Variants in SLC4A10 observed in about 807,000 individuals in gnomAD.
SLC4A10 encodes the protein solute carrier family 4 member 10.
In SLC4A10, 42 loss-of-function variants were observed where a neutral mutation model predicts 137.7. That is an observed-to-expected ratio of 0.30 (90% confidence interval 0.24 to 0.39). The LOEUF (loss-of-function observed/expected upper bound fraction) is 0.39. SLC4A10 is among the 10% of genes least tolerant of loss of function. The pLI is 1.00. For missense variants in SLC4A10, 925 were observed against 1,355.0 expected, an observed-to-expected ratio of 0.68 and a Z score of 4.98; for synonymous variants, 474 against 464.1, an observed-to-expected ratio of 1.02 and a Z score of -0.27.
rs1032772299 is a variant in SLC4A10 at position 161,984,790 on chromosome 2, G to A, written c.*1638G>A. 3 of 152,002 alleles carry A rather than the reference G, an allele frequency of 2.0e-5. No homozygotes were observed. The highest frequency in any genetic ancestry group is 7.2e-5 in the African/African-American group (3 of 41,422). 9.4% of individuals were successfully genotyped at this position (152,002 alleles called of 1,614,324 possible). On this transcript the variant is annotated 3_prime_UTR_variant, in exon 27 of 27. Coordinates refer to ENST00000446997, the MANE Select transcript of SLC4A10 (RefSeq NM_001178015.2). ...AATACAGAAACTTTCTGTTCCAAAT[G>A]TGTTGCCTTTGTGTATTTTATAATA...
chr2:161,707,235 C>T (rs1002586470), intron 1 of SLC4A10, among the ~76,000 whole-genome samples: 4 of 151,408 alleles, frequency 2.6e-5, no homozygotes, highest in Non-Finnish European at 5.9e-5. Context: ...CAGTTAGAGT[C>T]AGTAGTTTTT....
At chr2:161,926,395 T>TG (rs1689112503) in intron 15 of SLC4A10, among the ~76,000 whole-genome samples, 1 of 107,878 alleles carries the variant, frequency 9.3e-6, no homozygotes, top group African/African-American at 3.3e-5. Context: ...GGTTTTTTTT[T>TG]TTTTTTTTTT....
At chr2:161,919,886 G>A (rs1318825825) in intron 15 of SLC4A10, among the ~76,000 whole-genome samples, 2 of 152,194 alleles carry the variant, frequency 1.3e-5, no homozygotes, top group South Asian at 2.1e-4. Flanking sequence ...GCATGGCTGT[G>A]ACACCCTCTT....
At chr2:161,767,090 G>C (rs530371515) in intron 1 of SLC4A10, among the ~76,000 whole-genome samples, 9 of 69,082 alleles carry the variant, frequency 1.3e-4, no homozygotes, top group Admixed American at 2.1e-4. Context: ...AAAGAATTAA[G>C]AAGCATATAT....
chr2:161,932,899 A>G (rs1488226750), intron 15 of SLC4A10, among the ~76,000 whole-genome samples: 1 of 151,980 alleles, frequency 6.6e-6, no homozygotes, highest in Non-Finnish European at 1.5e-5. Context: ...TGAGCCCCTG[A>G]TAACCACCAT....
intron 1 of SLC4A10, among the ~76,000 whole-genome samples, chr2:161,743,661 A>G (rs781474430): frequency 2.0e-5 from 3 of 150,374 alleles, no homozygotes; most frequent in East Asian, 3.9e-4. Flanking sequence ...TTTTTTTTCT[A>G]TTTCTGTGGA....
intron 2 of SLC4A10, among the ~76,000 whole-genome samples, chr2:161,778,945 T>C (rs2052700001): frequency 6.6e-6 from 1 of 151,938 alleles, no homozygotes. Flanking sequence ...CCTGTCTTAG[T>C]TTGTTTTGTG....
At chr2:161,870,640 A>T (rs1459321376) in intron 6 of SLC4A10, among the ~76,000 whole-genome samples, 3 of 151,820 alleles carry the variant, frequency 2.0e-5, no homozygotes, top group Non-Finnish European at 3.0e-5. Context: ...TATGTAAAAG[A>T]TTTTTTTAAA....
At chr2:161,716,149 G>T (rs563122389) in intron 1 of SLC4A10, among the ~76,000 whole-genome samples, 20 of 147,242 alleles carry the variant, frequency 1.4e-4, no homozygotes, top group African/African-American at 5.0e-4. Context: ...AGAAGTGTCT[G>T]TTCATGTCCT....
intron 1 of SLC4A10, among the ~76,000 whole-genome samples, chr2:161,698,846 C>G (rs1367619876): frequency 5.3e-5 from 8 of 152,090 alleles, no homozygotes; most frequent in African/African-American, 1.7e-4. Flanking sequence ...AGGATAACCT[C>G]TTTTTCATAT....
At chr2:161,637,131 A>T (rs1248941612) in intron 1 of SLC4A10, among the ~76,000 whole-genome samples, 1 of 147,590 alleles carries the variant, frequency 6.8e-6, no homozygotes, top group Non-Finnish European at 1.5e-5. Context: ...CTATATACAT[A>T]AATACGTATT....
chr2:161,837,594 C>T (rs2058897488), intron 3 of SLC4A10, among the ~76,000 whole-genome samples: 1 of 152,038 alleles, frequency 6.6e-6, no homozygotes, highest in Non-Finnish European at 1.5e-5. Context: ...AAAACTTGTT[C>T]TAAAATGTAT....
chr2:161,767,015 A>G (rs1183764905), intron 1 of SLC4A10, among the ~76,000 whole-genome samples: 1 of 148,052 alleles, frequency 6.8e-6, no homozygotes, highest in East Asian at 2.0e-4. Context: ...ATGTATCTAT[A>G]ATCCTTTACC....
intron 1 of SLC4A10, among the ~76,000 whole-genome samples, chr2:161,696,818 C>T (rs1397513367): frequency 6.6e-6 from 1 of 152,044 alleles, no homozygotes; most frequent in Non-Finnish European, 1.5e-5. Flanking sequence ...TTGGTATATA[C>T]CCAGCAATCC....
intron 15 of SLC4A10, among the ~76,000 whole-genome samples, chr2:161,913,454 A>G (rs1296555634): frequency 6.6e-6 from 1 of 152,214 alleles, no homozygotes; most frequent in African/African-American, 2.4e-5. Flanking sequence ...GAAATACAAT[A>G]GCTATAAAAA....
At chr2:161,939,366 C>T (rs1164714176) in intron 15 of SLC4A10, among the ~76,000 whole-genome samples, 19 of 152,104 alleles carry the variant, frequency 1.2e-4, no homozygotes, top group Non-Finnish European at 2.2e-4. Context: ...TGAGCCACTG[C>T]ACCTGTCCAG....
intron 1 of SLC4A10, among the ~76,000 whole-genome samples, chr2:161,756,764 A>G (rs757373504): frequency 6.6e-6 from 1 of 152,178 alleles, no homozygotes; most frequent in Non-Finnish European, 1.5e-5. Flanking sequence ...AGAAGACAGC[A>G]TGATACTGTG....
chr2:161,688,234 A>G (rs12467279), intron 1 of SLC4A10, among the ~76,000 whole-genome samples: 11,349 of 152,296 alleles, frequency 0.075, 543 homozygotes, highest in East Asian at 0.14. Context: ...GAAATAGGAT[A>G]GAAAAATCAT....
chr2:161,816,257 A>G (rs959009190), intron 3 of SLC4A10, among the ~76,000 whole-genome samples: 5 of 152,180 alleles, frequency 3.3e-5, no homozygotes, highest in African/African-American at 9.7e-5. Flanking sequence ...TATTTTGAAG[A>G]TATTTCTGCA....
Sources: allele counts gnomAD v4.1 joint callset (sites outside exome capture counted in the v4.1 genomes callset), GRCh38; gene constraint gnomAD v4.1.1; transcripts MANE v1.5; gene names NCBI Gene and HGNC (gene_info 2026-07-23, HGNC 2026-07-21).